The following PKP4 variants were observed in gnomAD, a reference collection of about 807,000 sequenced individuals.
PKP4 encodes the protein plakophilin 4, also known as plakophilin-4.
A neutral mutation model predicts 145.1 loss-of-function variants in PKP4; 90 were observed. The ratio of observed to expected loss-of-function variants is 0.62; its 90% confidence interval spans 0.52 to 0.74. The LOEUF is 0.74. Ranked by LOEUF, PKP4 falls within the 30% of genes least tolerant of loss-of-function variation. The pLI is 0.00. For synonymous variants in PKP4, 563 were observed against 577.2 expected (o/e 0.98, Z 0.35); for missense variants, 1,340 against 1,482.7 (o/e 0.90, Z 1.58).
intron 1 of PKP4, among the ~76,000 whole-genome samples, chr2:158,515,581 T>G (rs1259625416): frequency 6.6e-6 from 1 of 152,208 alleles, no homozygotes; most frequent in Non-Finnish European, 1.5e-5. Flanking sequence ...TTAAAAGTAT[T>G]AATGTTTTTC....
At position 158,625,062 on chromosome 2, in the gene PKP4, C is replaced by A. The variant is rs1388602753; in HGVS notation, c.788C>A (p.Ser263Tyr). Reference protein sequence around the residue: ...PRPLNPSAYSSTTLPAARAAS... With the variant: ...PRPLNPSAYSYTTLPAARAAS... Reference sequence around the variant, plus strand: ...CCTCTGAACCCCAGTGCATATTCCTCCACCACATTACCTGCTGCACGGGCA... The same window carrying A: ...CCTCTGAACCCCAGTGCATATTCCTACACCACATTACCTGCTGCACGGGCA... Residue 263 changes from serine (S) to tyrosine (Y), a missense_variant, in exon 7 of 22, where the codon TCC (serine) becomes TAC (tyrosine). Ser to Tyr is a moderately radical substitution (Grantham distance 144). Coordinates refer to ENST00000389759, the MANE Select transcript of PKP4 (RefSeq NM_003628.6). The A allele has an allele frequency of 6.2e-7, 1 of 1,614,062 alleles. No homozygotes were observed. Among genetic ancestry groups the A allele is most frequent in the Admixed American group, 1.7e-5 (1 of 60,004 alleles).
At chr2:158,637,977 G>A (rs1207060959) in intron 9 of PKP4, among the ~76,000 whole-genome samples, 1 of 152,226 alleles carries the variant, frequency 6.6e-6, no homozygotes. Flanking sequence ...CCTCGGGGCT[G>A]TCTGGCCCTC....
intron 2 of PKP4, among the ~76,000 whole-genome samples, chr2:158,554,262 T>A (rs1323214715): frequency 6.6e-6 from 1 of 152,032 alleles, no homozygotes; most frequent in Non-Finnish European, 1.5e-5. Context: ...CTGCTGTGGG[T>A]CTCCAGGTGA....
At chr2:158,543,748 T>C (rs528498672) in intron 2 of PKP4, among the ~76,000 whole-genome samples, 1 of 152,206 alleles carries the variant, frequency 6.6e-6, no homozygotes, top group East Asian at 1.9e-4. Flanking sequence ...AGGTAGCCAG[T>C]TTTCAAATGT....
At chr2:158,469,413 T>G (rs4664962) in intron 1 of PKP4, among the ~76,000 whole-genome samples, 3 of 152,086 alleles carry the variant, frequency 2.0e-5, no homozygotes, top group South Asian at 2.1e-4. Context: ...TCTAAAGTGA[T>G]TTTCTTATCC....
intron 2 of PKP4, among the ~76,000 whole-genome samples, chr2:158,572,137 A>T (rs1041350258): frequency 6.6e-6 from 1 of 152,196 alleles, no homozygotes; most frequent in African/African-American, 2.4e-5. Context: ...AAAAGAACTA[A>T]TAAGAAGTCT....
chr2:158,472,167 C>T (rs1023983744), intron 1 of PKP4, among the ~76,000 whole-genome samples: 2 of 152,018 alleles, frequency 1.3e-5, no homozygotes, highest in Non-Finnish European at 2.9e-5. Context: ...GGGTTCTCAC[C>T]ACAAAAATGA....
chr2:158,644,781 G>A (rs1358809894), intron 11 of PKP4, among the ~76,000 whole-genome samples: 4 of 152,192 alleles, frequency 2.6e-5, no homozygotes, highest in Non-Finnish European at 4.4e-5. Flanking sequence ...GGGACTGGGG[G>A]TTGTATTCCA....
intron 8 of PKP4, 100 bp downstream of exon 8, chr2:158,632,041 C>A (rs2053414151): frequency 1.9e-6 from 2 of 1,076,288 alleles, no homozygotes; most frequent in East Asian, 2.4e-5. Flanking sequence ...AATCATGTTG[C>A]CCATTTGGTT....
intron 2 of PKP4, among the ~76,000 whole-genome samples, chr2:158,565,435 C>CTTTTTTTTT (rs10690465): frequency 1.5e-5 from 2 of 135,766 alleles, no homozygotes; most frequent in African/African-American, 2.7e-5. Context: ...TTCTTTTTTC[C>CTTTTTTTTT]TTTTTTTTTT....
chr2:158,620,126 A>C (rs1345624982), intron 4 of PKP4, among the ~76,000 whole-genome samples: 1 of 152,176 alleles, frequency 6.6e-6, no homozygotes, highest in Non-Finnish European at 1.5e-5. Flanking sequence ...GCATTTCTGA[A>C]AGAAAGTTTG....
intron 21 of PKP4, 39 bp from the exon 22 acceptor site, chr2:158,680,390 A>C: frequency 6.6e-7 from 1 of 1,512,586 alleles, no homozygotes; most frequent in African/African-American, 1.4e-5. Flanking sequence ...ATTTTTAAAA[A>C]ATTGCTTTTA....
intron 7 of PKP4, among the ~76,000 whole-genome samples, chr2:158,630,336 A>T (rs1027610660): frequency 6.6e-6 from 1 of 152,246 alleles, no homozygotes; most frequent in Admixed American, 6.5e-5. Flanking sequence ...CAAAATATTT[A>T]AAATGATTTA....
chr2:158,655,553 T>A (rs2055827360), intron 11 of PKP4, among the ~76,000 whole-genome samples: 1 of 113,434 alleles, frequency 8.8e-6, no homozygotes, highest in Non-Finnish European at 2.1e-5. Flanking sequence ...TGTATATATA[T>A]CCAATATTAT....
At chr2:158,636,261 G>GT (rs888405591) in intron 9 of PKP4, among the ~76,000 whole-genome samples, 7 of 150,970 alleles carry the variant, frequency 4.6e-5, no homozygotes, top group South Asian at 2.1e-4. Flanking sequence ...TATTTCACTT[G>GT]TTTTTTTAAA....
chr2:158,460,300 A>G (rs1203082732), intron 1 of PKP4, among the ~76,000 whole-genome samples: 1 of 152,236 alleles, frequency 6.6e-6, no homozygotes, highest in African/African-American at 2.4e-5. Flanking sequence ...AACTACTACC[A>G]AATTCAGTTT....
intron 1 of PKP4, among the ~76,000 whole-genome samples, chr2:158,507,725 T>C (rs1210200691): frequency 6.6e-6 from 1 of 152,190 alleles, no homozygotes; most frequent in East Asian, 1.9e-4. Context: ...CTCACACATT[T>C]CAAAAGAACC....
chr2:158,561,080 G>T (rs944236541), intron 2 of PKP4, among the ~76,000 whole-genome samples: 2 of 152,148 alleles, frequency 1.3e-5, no homozygotes, highest in Non-Finnish European at 2.9e-5. Context: ...ATAATCAAAG[G>T]CAGAATATTT....
Position 158,625,152 on chromosome 2 carries a change from C to A in PKP4, c.878C>A (p.Ser293Tyr). Reference sequence around the variant, plus strand: ...ATACGGCGGATTGGGTCAGTCACCTCCCGGCAGACCTCCAATCCCAACGGA... The same window carrying A: ...ATACGGCGGATTGGGTCAGTCACCTACCGGCAGACCTCCAATCCCAACGGA... ...TAIRRIGSVT[S>Y]RQTSNPNGPT... Residue 293 changes from serine to tyrosine, a missense_variant, in exon 7 of 22, where the codon TCC becomes TAC. Transcript: ENST00000389759. The A allele has an allele frequency of 6.2e-7, 1 of 1,614,170 alleles. No homozygotes were observed. Among genetic ancestry groups the A allele is most frequent in the Non-Finnish European group, 8.5e-7 (1 of 1,180,024 alleles).
Sources: allele counts gnomAD v4.1 joint callset (sites outside exome capture counted in the v4.1 genomes callset), GRCh38; gene constraint gnomAD v4.1.1; transcripts MANE v1.5; gene names NCBI Gene and HGNC (gene_info 2026-07-23, HGNC 2026-07-21).